The following MAF variants were observed in gnomAD, a reference collection of about 807,000 sequenced individuals.
MAF encodes the protein transcription factor Maf.
Under a neutral mutation model 22.0 loss-of-function variants are expected in MAF, and 10 were observed. The observed-to-expected ratio is 0.45, with a 90% CI of 0.28 to 0.77. The LOEUF is 0.77. MAF is among the 30% of genes least tolerant of loss of function. The pLI is 0.12. For missense variants in MAF, 544 were observed against 548.4 expected (o/e 0.99, Z 0.08); for synonymous variants, 337 against 255.8 (o/e 1.32, Z -3.03).
At chr16:79,515,312 G>A in the MAF span, among the ~76,000 whole-genome samples, 2 of 152,296 alleles carry the variant, frequency 1.3e-5, no homozygotes, top group African/African-American at 4.8e-5. Flanking sequence ...ACTTTTGATG[G>A]TTCCACTTAT....
chr16:79,324,762 T>G, the MAF span, among the ~76,000 whole-genome samples: 1 of 152,154 alleles, frequency 6.6e-6, no homozygotes, highest in Non-Finnish European at 1.5e-5. Flanking sequence ...GGGACTGTAT[T>G]TGTTTTCTGC....
the MAF span, among the ~76,000 whole-genome samples, chr16:79,562,446 T>C: frequency 0.011 from 1,694 of 152,264 alleles, 30 homozygotes; most frequent in African/African-American, 0.038. Flanking sequence ...CCAGGACCTA[T>C]AGGAGTCAGA....
chr16:79,217,972 T>C, the MAF span, among the ~76,000 whole-genome samples: 2 of 112,938 alleles, frequency 1.8e-5, no homozygotes, highest in Non-Finnish European at 3.3e-5. Flanking sequence ...AGGCACCATT[T>C]TTAGAAGCTT....
chr16:79,447,549 A>T, the MAF span, among the ~76,000 whole-genome samples: 1 of 152,160 alleles, frequency 6.6e-6, no homozygotes, highest in African/African-American at 2.4e-5. Context: ...TAGCTGCTAT[A>T]AGTAGTGACC....
the MAF span, among the ~76,000 whole-genome samples, chr16:79,487,784 C>T: frequency 6.6e-6 from 1 of 152,226 alleles, no homozygotes; most frequent in South Asian, 2.1e-4. Flanking sequence ...GACTCTGGAG[C>T]ACCCCAAGTT....
At chr16:79,432,328 C>A in the MAF span, among the ~76,000 whole-genome samples, 1 of 152,160 alleles carries the variant, frequency 6.6e-6, no homozygotes, top group Non-Finnish European at 1.5e-5. Flanking sequence ...ATCAATTACT[C>A]AGTCTCGAGT....
chr16:79,440,531 G>C, the MAF span, among the ~76,000 whole-genome samples: 19 of 152,096 alleles, frequency 1.2e-4, no homozygotes, highest in African/African-American at 4.6e-4. Context: ...TGCCTCCCAG[G>C]TTCAAACGAT....
the MAF span, among the ~76,000 whole-genome samples, chr16:79,445,338 C>T: frequency 1.3e-5 from 2 of 152,124 alleles, no homozygotes; most frequent in South Asian, 2.1e-4. Flanking sequence ...CCACTGCGCC[C>T]GGCCAACATA....
At chr16:79,296,356 C>T in the MAF span, among the ~76,000 whole-genome samples, 73 of 152,216 alleles carry the variant, frequency 4.8e-4, no homozygotes, top group African/African-American at 1.7e-3. Context: ...ACAACACACA[C>T]TGGGGCCTGT....
the MAF span, among the ~76,000 whole-genome samples, chr16:79,541,653 G>GA: frequency 6.8e-6 from 1 of 147,184 alleles, no homozygotes; most frequent in Non-Finnish European, 1.5e-5. Context: ...AGCTACTAGG[G>GA]TTTTTTTAGT....
At chr16:79,411,036 C>G in the MAF span, among the ~76,000 whole-genome samples, 2 of 152,164 alleles carry the variant, frequency 1.3e-5, no homozygotes, top group African/African-American at 4.8e-5. Context: ...TTCCTTCCTC[C>G]AAGACCAGCC....
the MAF span, among the ~76,000 whole-genome samples, chr16:79,241,030 C>T: frequency 3.3e-5 from 5 of 152,056 alleles, 1 homozygote. Flanking sequence ...CAGACCTCAT[C>T]CAAATGTCAC....
chr16:79,311,961 G>A, the MAF span, among the ~76,000 whole-genome samples: 4 of 152,108 alleles, frequency 2.6e-5, no homozygotes, highest in African/African-American at 9.7e-5. Context: ...GGAAGAGGAG[G>A]GCTTGGGAGG....
chr16:79,289,867 T>TTTTTTTTTTTTTTTTTTTTTTC, the MAF span, among the ~76,000 whole-genome samples: 2 of 118,510 alleles, frequency 1.7e-5, no homozygotes, highest in African/African-American at 3.2e-5. Context: ...TTTTTTTTTT[T>TTTTTTTTTTTTTTTTTTTTTTC]TGTGAGACGG....
At chr16:79,312,328 A>T in the MAF span, among the ~76,000 whole-genome samples, 4 of 152,330 alleles carry the variant, frequency 2.6e-5, no homozygotes, top group East Asian at 7.7e-4. Flanking sequence ...ACCCACATTG[A>T]TGGGTCACTG....
At chr16:79,534,885 C>G in the MAF span, among the ~76,000 whole-genome samples, 1 of 152,180 alleles carries the variant, frequency 6.6e-6, no homozygotes, top group East Asian at 1.9e-4. Context: ...CCTCTCTGGA[C>G]AGTGTGGGCC....
chr16:79,287,435 G>A, the MAF span, among the ~76,000 whole-genome samples: 1 of 152,336 alleles, frequency 6.6e-6, no homozygotes, highest in East Asian at 1.9e-4. Flanking sequence ...CACACTGGAA[G>A]CTTGAGGACC....
the MAF span, among the ~76,000 whole-genome samples, chr16:79,214,250 TTGTC>T: frequency 2.0e-5 from 3 of 152,186 alleles, no homozygotes; most frequent in African/African-American, 7.2e-5. Context: ...TCCATGAAAT[TTGTC>T]TGTTTTCTTC....
chr16:79,361,854 G>A, the MAF span, among the ~76,000 whole-genome samples: 3 of 152,186 alleles, frequency 2.0e-5, no homozygotes, highest in Non-Finnish European at 4.4e-5. Context: ...CTGTTACAGA[G>A]AGGCATCTTG....
Sources: allele counts gnomAD v4.1 joint callset (sites outside exome capture counted in the v4.1 genomes callset), GRCh38; gene constraint gnomAD v4.1.1; transcripts MANE v1.5; gene names NCBI Gene and HGNC (gene_info 2026-07-23, HGNC 2026-07-21).